PIRT: variants seen among roughly 807,000 people sequenced by gnomAD.
PIRT encodes the protein phosphoinositide interacting regulator of transient receptor potential channels.
A neutral mutation model predicts 7.9 loss-of-function variants in PIRT; 6 were observed. That is an observed-to-expected ratio of 0.76 (90% confidence interval 0.42 to 1.51). PIRT has a LOEUF of 1.51. Among genes scored for constraint, PIRT ranks in the 40% most tolerant of loss-of-function variants. The pLI, the probability that PIRT is intolerant of heterozygous loss-of-function variation, is 0.01. For synonymous variants in PIRT, 78 were observed against 71.8 expected, an observed-to-expected ratio of 1.09 and a Z score of -0.44; for missense variants, 170 against 172.9, an observed-to-expected ratio of 0.98 and a Z score of 0.09.
intron 1 of PIRT, among the ~76,000 whole-genome samples, chr17:10,830,045 C>T (rs928340780): frequency 6.6e-6 from 1 of 151,968 alleles, no homozygotes; most frequent in African/African-American, 2.4e-5. Flanking sequence ...CATGAAATCC[C>T]AAAGAAAAGC....
At chr17:10,833,106 G>A (rs1347928764) in intron 1 of PIRT, among the ~76,000 whole-genome samples, 1 of 152,170 alleles carries the variant, frequency 6.6e-6, no homozygotes, top group Non-Finnish European at 1.5e-5. Context: ...ATGCATCAAA[G>A]CAATTCAACG....
rs145224511 is a variant in PIRT at position 10,836,897 on chromosome 17, T to C, written c.-139+1048A>G. ...TCCTGTTTCCCTCACGGAGTCCCCATTAAGGCCCCACCCAGCTCCAGCTTG... is the reference window on the plus strand; with the variant it reads ...TCCTGTTTCCCTCACGGAGTCCCCACTAAGGCCCCACCCAGCTCCAGCTTG... On this transcript the variant is annotated intron_variant, in intron 1 of 1. Transcript: ENST00000580256. Among the ~76,000 whole-genome samples, 510 of 152,244 alleles carry C rather than the reference T, an allele frequency of 3.3e-3. 9 individuals carry two copies. The highest frequency in any genetic ancestry group is 0.03 in the Admixed American group (456 of 15,296).
At chr17:10,835,840 CT>C (rs553912649) in intron 1 of PIRT, among the ~76,000 whole-genome samples, 3 of 152,032 alleles carry the variant, frequency 2.0e-5, no homozygotes, top group Non-Finnish European at 4.4e-5. Context: ...GAGGGTAATA[CT>C]ATTATCATTC....
chr17:10,828,262 T>C (rs1905381019), intron 1 of PIRT, among the ~76,000 whole-genome samples: 1 of 152,170 alleles, frequency 6.6e-6, no homozygotes, highest in African/African-American at 2.4e-5. Context: ...CTGGCTGTTC[T>C]CTGAGGGTCC....
chr17:10,826,134 G>T (rs1391097912), intron 1 of PIRT, among the ~76,000 whole-genome samples: 1 of 152,026 alleles, frequency 6.6e-6, no homozygotes, highest in Non-Finnish European at 1.5e-5. Context: ...TGGCTAATTT[G>T]TGTATTCTTA....
Position 10,825,271 on chromosome 17 carries a change from AT to A in PIRT, c.374del (p.Asn125IlefsTer11), listed in dbSNP as rs1293907741. 1 of 1,613,984 alleles carries A rather than the reference AT, an allele frequency of 6.2e-7. No homozygotes were observed. Among genetic ancestry groups the A allele is most frequent in the Non-Finnish European group, 8.5e-7 (1 of 1,179,886 alleles). On this transcript the variant is annotated frameshift_variant, in exon 2 of 2. Coordinates refer to ENST00000580256, the MANE Select transcript of PIRT (RefSeq NM_001101387.2). LOFTEE classifies it high-confidence loss of function. ...AGAAGGACTTGAGGCTGCGTAAGAAATTCGACTTCTGTCTGTGCTTCTGTTT... is the reference window on the plus strand; with the variant it reads ...AGAAGGACTTGAGGCTGCGTAAGAAATCGACTTCTGTCTGTGCTTCTGTTT... ...KKKQKHRQKS[N>X]FLRSLKSFFL... is the part of the protein sequence containing the mutation.
rs774699130 is a variant in PIRT at position 10,825,609 on chromosome 17, C to T, written c.37G>A (p.Asp13Asn). 10 of 1,536,792 alleles carry T rather than the reference C, an allele frequency of 6.5e-6. No individual in the cohort carries two copies. The highest frequency in any genetic ancestry group is 4.0e-5 in the Admixed American group (2 of 49,530). ...METLPKVLEV[D>N]EKSPEAKDLL... ...TCCTTGGCTTCTGGAGACTTCTCAT[C>T]GACCTCTAGAACCTTGGGGAGAGTC... Residue 13 changes from aspartate to asparagine, a missense_variant, in exon 2 of 2, where the codon GAT becomes AAT. Transcript: ENST00000580256.
At chr17:10,830,057 A>T (rs886711562) in intron 1 of PIRT, among the ~76,000 whole-genome samples, 12 of 152,114 alleles carry the variant, frequency 7.9e-5, no homozygotes, top group African/African-American at 2.9e-4. Flanking sequence ...AAGAAAAGCA[A>T]CTATTCATTT....
intron 1 of PIRT, among the ~76,000 whole-genome samples, chr17:10,834,178 T>TA (rs1597589060): frequency 6.7e-6 from 1 of 148,620 alleles, no homozygotes; most frequent in Non-Finnish European, 1.5e-5. Context: ...ATAGCAAAAA[T>TA]AAAAAAGAAA....
At chr17:10,833,582 G>A (rs961826254) in intron 1 of PIRT, among the ~76,000 whole-genome samples, 1 of 152,084 alleles carries the variant, frequency 6.6e-6, no homozygotes, top group Non-Finnish European at 1.5e-5. Context: ...GTGAAACTCT[G>A]TCTCTGCTAA....
intron 1 of PIRT, among the ~76,000 whole-genome samples, chr17:10,837,341 A>G (rs1905615383): frequency 6.6e-6 from 1 of 152,180 alleles, no homozygotes; most frequent in Non-Finnish European, 1.5e-5. Flanking sequence ...CCGTGTTTGC[A>G]TGTGCCTGCC....
chr17:10,826,522 T>G (rs1209560482), intron 1 of PIRT, among the ~76,000 whole-genome samples: 1 of 152,264 alleles, frequency 6.6e-6, no homozygotes, highest in Non-Finnish European at 1.5e-5. Flanking sequence ...AGATAAATTC[T>G]GCATGTGTGT....
At chr17:10,830,625 T>C (rs1461255205) in intron 1 of PIRT, among the ~76,000 whole-genome samples, 1 of 152,246 alleles carries the variant, frequency 6.6e-6, no homozygotes, top group African/African-American at 2.4e-5. Flanking sequence ...TGTTTTTCCA[T>C]TTATAAAATG....
intron 1 of PIRT, among the ~76,000 whole-genome samples, chr17:10,827,518 A>T (rs1411551684): frequency 1.0e-5 from 1 of 98,378 alleles, no homozygotes; most frequent in East Asian, 3.1e-4. Context: ...CTTGTTGCCC[A>T]GGCTGGAGTG....
chr17:10,837,787 C>G (rs1905627264), intron 1 of PIRT, among the ~76,000 whole-genome samples, 158 bp downstream of exon 1: 1 of 152,208 alleles, frequency 6.6e-6, no homozygotes, highest in Admixed American at 6.5e-5. Context: ...CTGACTTCAC[C>G]CCCTCCCAGG....
intron 1 of PIRT, among the ~76,000 whole-genome samples, chr17:10,826,893 C>T (rs1049441265): frequency 2.0e-5 from 3 of 151,866 alleles, no homozygotes; most frequent in African/African-American, 7.3e-5. Context: ...GCTGACCGCA[C>T]CCTCCGCCTC....
intron 1 of PIRT, among the ~76,000 whole-genome samples, chr17:10,827,848 A>G (rs1200968375): frequency 6.6e-6 from 1 of 152,164 alleles, no homozygotes; most frequent in Non-Finnish European, 1.5e-5. Flanking sequence ...CAACAAGATA[A>G]TAAGATGTAA....
At position 10,825,790 on chromosome 17, in the gene PIRT, C is replaced by A; in HGVS notation, c.-138-7G>T. The A allele has an allele frequency of 2.7e-6, 2 of 736,274 alleles. No homozygotes were observed. Among genetic ancestry groups the A allele is most frequent in the Non-Finnish European group, 3.9e-6 (2 of 519,136 alleles). The allele number at this position is 736,274 out of a possible 1,614,324, so 45.6% of individuals were successfully genotyped here. On this transcript the variant is annotated splice_polypyrimidine_tract_variant and splice_region_variant and intron_variant, in intron 1 of 1. Coordinates refer to ENST00000580256, the MANE Select transcript of PIRT (RefSeq NM_001101387.2). The stretch of plus-strand genomic sequence containing the variant: ...GGTGAACAAGGTTTTTGTGCTGAAG[C>A]CAAAAAAGAAAATGAAATGAAATTC...
chr17:10,825,847 A>AT (rs974388228), intron 1 of PIRT, 64 bp from the exon 2 acceptor site: 198 of 439,682 alleles, frequency 4.5e-4, no homozygotes, highest in East Asian at 5.8e-4. Flanking sequence ...AGCTGGTATA[A>AT]TTTTTTTTTC....
Sources: gnomAD v4.1 joint callset for allele counts (sites outside exome capture counted in the v4.1 genomes callset) on GRCh38, gnomAD v4.1.1 for gene constraint, MANE v1.5 for transcripts, NCBI Gene and HGNC (gene_info 2026-07-23, HGNC 2026-07-21) for gene names.